Variants in EXD2 observed in about 807,000 individuals in gnomAD.
EXD2 encodes exonuclease 3'-5' domain-containing protein 2.
EXD2 carries 40 observed loss-of-function variants against 62.5 expected under a neutral mutation model. The observed-to-expected ratio is 0.64, with a 90% CI of 0.50 to 0.83. The LOEUF (loss-of-function observed/expected upper bound fraction) is 0.83, where lower values mean the gene tolerates loss of function less well. EXD2 is among the 40% of genes least tolerant of loss of function. EXD2 has a pLI of 0.00. For synonymous variants in EXD2, 239 were observed against 291.9 expected (o/e 0.82, Z 1.85); for missense variants, 671 against 761.8 (o/e 0.88, Z 1.40).
intron 3 of EXD2, among the ~76,000 whole-genome samples, chr14:69,226,710 T>C (rs144782494): frequency 3.0e-4 from 46 of 151,566 alleles, no homozygotes; most frequent in African/African-American, 1.1e-3. Flanking sequence ...ATTGCACTAC[T>C]GTACTCCAGC....
intron 3 of EXD2, among the ~76,000 whole-genome samples, chr14:69,220,265 T>G (rs1423644546): frequency 6.6e-5 from 6 of 90,660 alleles, no homozygotes; most frequent in African/African-American, 9.0e-5. Context: ...TTTTTTTTTT[T>G]TTTTTTTTTT....
chr14:69,220,253 G>GTTTTTTGTTTTTTTTT lies in EXD2; in HGVS notation c.334-8557_334-8556insGTTTTTTTTTTTTTTT, dbSNP rs2043126549. Among the ~76,000 whole-genome samples, 7 of 35,116 alleles carry GTTTTTTGTTTTTTTTT rather than the reference G, an allele frequency of 2.0e-4. 1 individual carries two copies. Among genetic ancestry groups the GTTTTTTGTTTTTTTTT allele is most frequent in the Non-Finnish European group, 3.5e-4 (7 of 20,220 alleles). The allele number at this position is 35,116 out of a possible 152,430, so 23.0% of individuals were successfully genotyped here. Reference sequence around the variant, plus strand: ...CTCTCAGCAAGTGTTTTGTCTCTCTGTTTTTTTTTTTTTTTTTTTTTTTTT... The same window carrying GTTTTTTGTTTTTTTTT: ...CTCTCAGCAAGTGTTTTGTCTCTCTGTTTTTTGTTTTTTTTTTTTTTTTTTTTTTTTTTTTTTTTTT... On this transcript the variant is annotated intron_variant, in intron 3 of 9. Coordinates refer to ENST00000685843, the MANE Select transcript of EXD2 (RefSeq NM_001193360.2).
At chr14:69,219,870 T>C (rs1467667223) in intron 3 of EXD2, among the ~76,000 whole-genome samples, 6 of 152,214 alleles carry the variant, frequency 3.9e-5, no homozygotes, top group African/African-American at 9.7e-5. Context: ...CAGTGTTCAG[T>C]AGATGTGGTG....
intron 3 of EXD2, among the ~76,000 whole-genome samples, chr14:69,223,934 C>T (rs1193888934): frequency 6.6e-6 from 1 of 152,188 alleles, no homozygotes; most frequent in Non-Finnish European, 1.5e-5. Context: ...GCCACATCTG[C>T]TTCTGGTGAG....
rs539814420 is a variant in EXD2, at chr14:69,242,224, T to C, written c.*1124T>C. 5.1e-6 allele frequency: 2 copies of C among 393,924 alleles called. No individual in the cohort carries two copies. The highest frequency in any genetic ancestry group is 7.3e-5 in the East Asian group (2 of 27,530). 24.4% of individuals were successfully genotyped at this position (393,924 alleles called of 1,614,324 possible). A position where few individuals can be genotyped will look rare whatever the true frequency, so the allele number is the denominator to read the frequency against. ...TTTTTCTAAAGTATTGGGAAAACTT[T>C]CTTATTTTATAAGATCTTAACAAGC... On this transcript the variant is annotated 3_prime_UTR_variant, in exon 10 of 10. Transcript: ENST00000685843.
chr14:69,235,140 C>T (rs560434358), intron 6 of EXD2, 109 bp downstream of exon 6: 6 of 955,860 alleles, frequency 6.3e-6, no homozygotes, highest in Admixed American at 3.2e-5. Context: ...GGAGCAGCAG[C>T]TCTCCCGGGG....
intron 9 of EXD2, 83 bp downstream of exon 9, chr14:69,238,014 T>G (rs2043857969): frequency 7.8e-7 from 1 of 1,285,758 alleles, no homozygotes; most frequent in African/African-American, 1.5e-5. Flanking sequence ...GAGGGGGCAT[T>G]GGCTGCTTAG....
At chr14:69,221,378 G>A (rs1434713426) in intron 3 of EXD2, among the ~76,000 whole-genome samples, 1 of 152,180 alleles carries the variant, frequency 6.6e-6, no homozygotes, top group East Asian at 1.9e-4. Flanking sequence ...AATAGTTATA[G>A]AGCTATTAAT....
chr14:69,241,789 G>C lies in EXD2; in HGVS notation c.*689G>C. 5.0e-6 allele frequency: 2 copies of C among 398,750 alleles called. No homozygotes were observed. Among genetic ancestry groups the C allele is most frequent in the Non-Finnish European group, 4.4e-6 (1 of 226,018 alleles). 24.7% of individuals were successfully genotyped at this position (398,750 alleles called of 1,614,324 possible). On this transcript the variant is annotated 3_prime_UTR_variant, in exon 10 of 10. Transcript: ENST00000685843. ...TTCTGGACATGAGCCTTTGACCTGG[G>C]TGGGGCAGAAAGAACCACAAACTCC... is the stretch of plus-strand genomic sequence containing the variant.
At chr14:69,213,955 A>G (rs938898811) in intron 3 of EXD2, 1 of 151,884 alleles carries the variant, frequency 6.6e-6, no homozygotes, top group Non-Finnish European at 1.5e-5. Flanking sequence ...TCTTTTGGGG[A>G]TCATTTTCCT....
intron 9 of EXD2, 114 bp from the exon 10 acceptor site, chr14:69,240,770 C>T: frequency 1.2e-6 from 1 of 804,490 alleles, no homozygotes; most frequent in Non-Finnish European, 2.0e-6. Flanking sequence ...GTAACTAACC[C>T]TTTAGGAGTC....
In EXD2 at chr14:69,203,972, T is replaced by A. The variant is rs1420252072; in HGVS notation, c.-76T>A. On this transcript the variant is annotated 5_prime_UTR_variant, in exon 2 of 10. In the 5' UTR this introduces an upstream ATG that the reference lacks. Transcript: ENST00000685843. ...TGAGGAAACTGAGGCTTAGAGAAGT[T>A]TGGCAAATTGGCTAAGTTCCTACAG... The A allele has an allele frequency of 6.6e-6, 1 of 152,228 alleles. No individual in the cohort carries two copies. The highest frequency in any genetic ancestry group is 1.5e-5 in the Non-Finnish European group (1 of 68,032). The allele number at this position is 152,228 out of a possible 1,614,324, so 9.4% of individuals were successfully genotyped here. A position where few individuals can be genotyped will look rare whatever the true frequency, so the allele number is the denominator to read the frequency against.
In EXD2 at chr14:69,241,778, C is replaced by G. The variant is rs1400354627; in HGVS notation, c.*678C>G. ...GAGAAATCCTTTTCTGGACATGAGC[C>G]TTTGACCTGGGTGGGGCAGAAAGAA... is the stretch of plus-strand genomic sequence containing the variant. On this transcript the variant is annotated 3_prime_UTR_variant, in exon 10 of 10. Coordinates refer to ENST00000685843, the MANE Select transcript of EXD2 (RefSeq NM_001193360.2). 2 of 398,460 alleles carry G rather than the reference C, an allele frequency of 5.0e-6. No individual in the cohort carries two copies. The highest frequency in any genetic ancestry group is 8.9e-6 in the Non-Finnish European group (2 of 225,988). The allele number at this position is 398,460 out of a possible 1,614,324, so 24.7% of individuals were successfully genotyped here. A position where few individuals can be genotyped will look rare whatever the true frequency, so the allele number is the denominator to read the frequency against.
At chr14:69,236,367 G>A (rs745504721) in intron 7 of EXD2, 40 bp from the exon 8 acceptor site, 3 of 1,613,628 alleles carry the variant, frequency 1.9e-6, no homozygotes, top group Admixed American at 3.3e-5. Flanking sequence ...GGTGGTGGGG[G>A]CAGGGGGAGC....
intron 3 of EXD2, among the ~76,000 whole-genome samples, chr14:69,218,359 T>C (rs1196807115): frequency 6.6e-6 from 1 of 152,248 alleles, no homozygotes; most frequent in Admixed American, 6.5e-5. Flanking sequence ...GTTCATATCC[T>C]TTGCCCACTT....
Position 69,237,920 on chromosome 14 carries a change from C to T in EXD2, c.1638C>T (p.Ser546=), listed in dbSNP as rs1387650266. The T allele has an allele frequency of 1.3e-6, 2 of 1,558,724 alleles. No individual in the cohort carries two copies. Among genetic ancestry groups the T allele is most frequent in the Non-Finnish European group, 1.7e-6 (2 of 1,155,492 alleles). Residue 546 remains serine (S), a synonymous_variant, in exon 9 of 10, where the codon AGC becomes AGT. Transcript: ENST00000685843. ...VTEEMLQEAA[S]LETRISNENY... is the part of the protein sequence containing the mutation. The stretch of plus-strand genomic sequence containing the variant: ...AGGAGATGCTTCAAGAGGCTGCCAG[C>T]CTGGAGACCAGGTACAAAGCACAGG...
chr14:69,232,531 G>A (rs1305494939), intron 5 of EXD2, among the ~76,000 whole-genome samples: 14 of 152,132 alleles, frequency 9.2e-5, no homozygotes, highest in Admixed American at 5.9e-4. Flanking sequence ...GAGGGTGTCG[G>A]GGTTCTGCAT....
Position 69,241,696 on chromosome 14 carries a change from T to C in EXD2, c.*596T>C. On this transcript the variant is annotated 3_prime_UTR_variant, in exon 10 of 10. Transcript: ENST00000685843. ...TTCACGTACTTGAAAAGGCTTTCCTTTACACTTCCAGGACCAAACAGCAAC... is the reference window on the plus strand; with the variant it reads ...TTCACGTACTTGAAAAGGCTTTCCTCTACACTTCCAGGACCAAACAGCAAC... 1 of 396,982 alleles carries C rather than the reference T, an allele frequency of 2.5e-6. No homozygotes were observed. The highest frequency in any genetic ancestry group is 4.4e-6 in the Non-Finnish European group (1 of 225,394). 24.6% of individuals were successfully genotyped at this position (396,982 alleles called of 1,614,324 possible).
At chr14:69,219,674 A>G (rs1335353875) in intron 3 of EXD2, among the ~76,000 whole-genome samples, 1 of 152,240 alleles carries the variant, frequency 6.6e-6, no homozygotes, top group East Asian at 1.9e-4. Flanking sequence ...GAAAAATGCA[A>G]CTGAGTTTTA....
Sources: gnomAD v4.1 joint callset for allele counts (sites outside exome capture counted in the v4.1 genomes callset) on GRCh38, gnomAD v4.1.1 for gene constraint, MANE v1.5 for transcripts, NCBI Gene and HGNC (gene_info 2026-07-23, HGNC 2026-07-21) for gene names.